Variants in CAPZA2 observed in about 807,000 individuals in gnomAD.
CAPZA2 encodes capping actin protein of muscle Z-line subunit alpha 2.
Under a neutral mutation model 44.0 loss-of-function variants are expected in CAPZA2, and 13 were observed. The observed-to-expected ratio is 0.30, with a 90% CI of 0.19 to 0.47. The LOEUF (loss-of-function observed/expected upper bound fraction) is 0.47. CAPZA2 is among the 20% of genes least tolerant of loss of function. The pLI is 1.00. For synonymous variants in CAPZA2, 94 were observed against 108.2 expected, an observed-to-expected ratio of 0.87 and a Z score of 0.81; for missense variants, 244 against 338.6, an observed-to-expected ratio of 0.72 and a Z score of 2.19.
At chr7:116,880,692 C>G (rs1796683621) in intron 1 of CAPZA2, among the ~76,000 whole-genome samples, 1 of 79,400 alleles carries the variant, frequency 1.3e-5, no homozygotes, top group Admixed American at 1.8e-4. Context: ...CCACTGTAAC[C>G]TGCCTTTTTT....
chr7:116,917,668 CT>C (rs1347286021), intron 9 of CAPZA2, 58 bp from the exon 10 acceptor site: 3 of 1,193,650 alleles, frequency 2.5e-6, no homozygotes, highest in Non-Finnish European at 3.8e-6. Flanking sequence ...CATCTATGTG[CT>C]TTATAAATTG....
At chr7:116,863,121 A>G (rs1482972434) in intron 1 of CAPZA2, among the ~76,000 whole-genome samples, 2 of 152,162 alleles carry the variant, frequency 1.3e-5, no homozygotes, top group African/African-American at 4.8e-5. Context: ...GAAGGGAAAA[A>G]TCGCTTAGGA....
chr7:116,892,845 G>C (rs888405125), intron 2 of CAPZA2, 149 bp from the exon 3 acceptor site: 7 of 373,736 alleles, frequency 1.9e-5, no homozygotes, highest in East Asian at 4.2e-5. Context: ...ATACTATGTT[G>C]TGTGTTTGGT....
chr7:116,906,660 A>G lies in CAPZA2; in HGVS notation c.506+318A>G, dbSNP rs1791517701. ...TGTGAAGGGGCTGTTCCTGAATGAA[A>G]CTTATGTGCAGGAGAACAAAGATAA... On this transcript the variant is annotated intron_variant, in intron 6 of 9. Transcript: ENST00000361183. 6 of 226,980 alleles carry G rather than the reference A, an allele frequency of 2.6e-5. No homozygotes were observed. In the South Asian group the frequency reaches 6.7e-4, roughly 25 times the overall value. The allele number at this position is 226,980 out of a possible 1,614,324, so 14.1% of individuals were successfully genotyped here.
chr7:116,910,871 G>T (rs954880207), intron 7 of CAPZA2, among the ~76,000 whole-genome samples: 2 of 150,998 alleles, frequency 1.3e-5, no homozygotes, highest in South Asian at 2.1e-4. Context: ...CGTGCCTGTA[G>T]TCCCAGCTAC....
At position 116,890,569 on chromosome 7, in the gene CAPZA2, CACATATATATATATATATATATATAT is replaced by C. The variant is rs1562960007; in HGVS notation, c.103+2381_104-2398del. Reference sequence around the variant, plus strand: ...ATATATATATATATATATATATATACACATATATATATATATATATATATATATACACACACACACACACATATATA... The same window carrying C: ...ATATATATATATATATATATATATACATACACACACACACACACATATATA... On this transcript the variant is annotated intron_variant, in intron 2 of 9. Coordinates refer to ENST00000361183, the MANE Select transcript of CAPZA2 (RefSeq NM_006136.3). 2.5e-3 allele frequency among the ~76,000 whole-genome samples: 67 copies of C among 26,962 alleles called. 7 individuals are homozygous for C. Among genetic ancestry groups the C allele is most frequent in the Admixed American group, 4.0e-3 (7 of 1,736 alleles). 17.7% of individuals were successfully genotyped at this position (26,962 alleles called of 152,430 possible). A position where few individuals can be genotyped will look rare whatever the true frequency, so the allele number is the denominator to read the frequency against.
chr7:116,906,225 C>G (rs1242643077), intron 5 of CAPZA2, 38 bp from the exon 6 acceptor site: 2 of 1,598,834 alleles, frequency 1.3e-6, no homozygotes, highest in Non-Finnish European at 1.7e-6. Context: ...TTCCATGGCC[C>G]TAAATTCATT....
Position 116,901,919 on chromosome 7 carries a change from G to GTA in CAPZA2, c.220-2246_220-2245dup, listed in dbSNP as rs1333321043. Among the ~76,000 whole-genome samples, 855 of 145,736 alleles carry GTA rather than the reference G, an allele frequency of 5.9e-3. 4 individuals are homozygous for GTA. The highest frequency in any genetic ancestry group is 7.2e-3 in the Non-Finnish European group (477 of 65,858). ...TGTGTGTGTGTGTGTGTGTATGTGT[G>GTA]TATATATATATATGTATATATTTAT... On this transcript the variant is annotated intron_variant, in intron 4 of 9. Transcript: ENST00000361183.
intron 1 of CAPZA2, among the ~76,000 whole-genome samples, chr7:116,887,603 A>G (rs1373370952): frequency 1.3e-5 from 2 of 152,200 alleles, no homozygotes; most frequent in Non-Finnish European, 2.9e-5. Context: ...AGACTGAGGC[A>G]GGCAGATTAT....
intron 3 of CAPZA2, among the ~76,000 whole-genome samples, chr7:116,896,807 A>G (rs929202075): frequency 3.9e-5 from 6 of 152,110 alleles, no homozygotes; most frequent in Non-Finnish European, 5.9e-5. Context: ...TGAAGGAATG[A>G]TGAGTGGGTG....
chr7:116,900,650 A>G (rs1226141523), intron 4 of CAPZA2, among the ~76,000 whole-genome samples: 1 of 152,050 alleles, frequency 6.6e-6, no homozygotes, highest in Non-Finnish European at 1.5e-5. Context: ...TTCTCAAGCA[A>G]CAAAAGCAAA....
At chr7:116,883,925 G>A (rs1796730305) in intron 1 of CAPZA2, among the ~76,000 whole-genome samples, 1 of 152,122 alleles carries the variant, frequency 6.6e-6, no homozygotes, top group African/African-American at 2.4e-5. Flanking sequence ...GTCATTAGGA[G>A]TATTAAAAAT....
intron 4 of CAPZA2, 32 bp from the exon 5 acceptor site, chr7:116,904,144 TA>T (rs1797029425): frequency 1.5e-6 from 2 of 1,377,088 alleles, no homozygotes; most frequent in East Asian, 2.3e-5. Context: ...GCTGTTTTTT[TA>T]TTTTTTTTCT....
intron 1 of CAPZA2, chr7:116,876,240 A>G (rs1202748678): frequency 7.3e-6 from 1 of 136,422 alleles, no homozygotes; most frequent in East Asian, 2.2e-4. Context: ...ACAGAGAGAG[A>G]CTCCATCTCA....
chr7:116,862,691 G>C, intron 1 of CAPZA2, 41 bp downstream of exon 1: 1 of 1,506,534 alleles, frequency 6.6e-7, no homozygotes, highest in South Asian at 1.2e-5. Context: ...GTCAGGAGCC[G>C]GCTCAGCCCG....
intron 8 of CAPZA2, among the ~76,000 whole-genome samples, chr7:116,914,716 CAG>C (rs1791656741): frequency 6.6e-6 from 1 of 152,222 alleles, no homozygotes; most frequent in African/African-American, 2.4e-5. Context: ...CTTGGCCTCC[CAG>C]AGTGCTGGGA....
intron 1 of CAPZA2, among the ~76,000 whole-genome samples, chr7:116,883,392 T>TGGCTCACGCC (rs1796724007): frequency 6.6e-6 from 1 of 152,228 alleles, no homozygotes; most frequent in South Asian, 2.1e-4. Context: ...ACCTGGATGG[T>TGGCTCACGCC]TGAACAATAT....
In CAPZA2 at chr7:116,888,975, C is replaced by T. The variant is rs558457021; in HGVS notation, c.103+785C>T. On this transcript the variant is annotated intron_variant, in intron 2 of 9. Transcript: ENST00000361183. ...AAAAGAAAAAGGGAAAAAACATTTTCATCCTGCATAGAGCATGATAGCACA... is the reference window on the plus strand; with the variant it reads ...AAAAGAAAAAGGGAAAAAACATTTTTATCCTGCATAGAGCATGATAGCACA... Among the ~76,000 whole-genome samples, 10 of 152,320 alleles carry T rather than the reference C, an allele frequency of 6.6e-5. No homozygotes were observed. The South Asian group carries it at 1.5e-3, about 22-fold the overall frequency.
At chr7:116,870,323 G>A (rs555023685) in intron 1 of CAPZA2, among the ~76,000 whole-genome samples, 1 of 152,308 alleles carries the variant, frequency 6.6e-6, no homozygotes, top group African/African-American at 2.4e-5. Flanking sequence ...TCATACCAGA[G>A]AGCACAACAT....
Sources: gnomAD v4.1 joint callset for allele counts (sites outside exome capture counted in the v4.1 genomes callset) on GRCh38, gnomAD v4.1.1 for gene constraint, MANE v1.5 for transcripts, NCBI Gene and HGNC (gene_info 2026-07-23, HGNC 2026-07-21) for gene names.